AGBL2: variants seen among roughly 807,000 people sequenced by gnomAD.
AGBL2 encodes cytosolic carboxypeptidase 2.
Under a neutral mutation model 103.0 loss-of-function variants are expected in AGBL2, and 87 were observed. The ratio of observed to expected loss-of-function variants is 0.84; its 90% confidence interval spans 0.71 to 1.01. The LOEUF (loss-of-function observed/expected upper bound fraction) is 1.01. Among genes scored for constraint, AGBL2 ranks in the 50% least tolerant of loss-of-function variants. The pLI is 0.00. For missense variants in AGBL2, 904 were observed against 1,023.5 expected, an observed-to-expected ratio of 0.88 and a Z score of 1.59; for synonymous variants, 335 against 356.7, an observed-to-expected ratio of 0.94 and a Z score of 0.69.
In AGBL2 at chr11:47,704,716, A is replaced by T. The variant is rs370473111; in HGVS notation, c.413T>A (p.Leu138Gln). Reference sequence around the variant, plus strand: ...TCTGCTCCTAAGATGTGGTAAACTCAGCATATGTGAATCTGCCAAAGGGAA... The same window carrying T: ...TCTGCTCCTAAGATGTGGTAAACTCTGCATATGTGAATCTGCCAAAGGGAA... ...RVAGITDSHM[L>Q]SLPHLRSRQL... Residue 138 changes from leucine to glutamine, a missense_variant, in exon 7 of 19, where the codon CTG becomes CAG. Transcript: ENST00000525123. 4.3e-6 allele frequency: 7 copies of T among 1,613,700 alleles called. No homozygotes were observed. In the African/African-American group the frequency reaches 9.3e-5, roughly 22 times the overall value.
chr11:47,678,203 C>T (rs2097383300), intron 13 of AGBL2, among the ~76,000 whole-genome samples: 1 of 151,282 alleles, frequency 6.6e-6, no homozygotes, highest in Non-Finnish European at 1.5e-5. Flanking sequence ...ACCTCGTGAT[C>T]TGCCCGCCTT....
chr11:47,679,851 A>G, intron 13 of AGBL2, 122 bp downstream of exon 13: 1 of 576,688 alleles, frequency 1.7e-6, no homozygotes, highest in Non-Finnish European at 3.1e-6. Flanking sequence ...CATGTTGCCC[A>G]GGCTGGTCTT....
chr11:47,693,028 C>T (rs963340973), intron 8 of AGBL2, among the ~76,000 whole-genome samples: 1 of 151,982 alleles, frequency 6.6e-6, no homozygotes, highest in African/African-American at 2.4e-5. Flanking sequence ...CTATGTCACC[C>T]AGGCTATTCT....
At chr11:47,714,371 A>T in intron 2 of AGBL2, 24 bp from the exon 3 acceptor site, 1 of 1,604,882 alleles carries the variant, frequency 6.2e-7, no homozygotes, top group Non-Finnish European at 8.5e-7. Context: ...GGCCACTTCA[A>T]TCAAGATAAT....
intron 8 of AGBL2, among the ~76,000 whole-genome samples, chr11:47,695,485 A>AC (rs936753794): frequency 1.3e-5 from 2 of 149,796 alleles, no homozygotes; most frequent in African/African-American, 4.9e-5. Flanking sequence ...CAAAAAAAAA[A>AC]AAAAAAAAAA....
intron 4 of AGBL2, 151 bp from the exon 5 acceptor site, chr11:47,706,068 T>C: frequency 1.5e-6 from 1 of 651,866 alleles, no homozygotes; most frequent in Non-Finnish European, 2.8e-6. Context: ...ATGGGGGAAA[T>C]AAAAGGAAAT....
intron 17 of AGBL2, among the ~76,000 whole-genome samples, chr11:47,664,056 T>C (rs1187620012): frequency 1.3e-5 from 2 of 151,884 alleles, no homozygotes; most frequent in African/African-American, 4.8e-5. Context: ...GGTTTCACCA[T>C]GTTGGCTGGG....
At chr11:47,692,434 C>CAG (rs2097451399) in intron 8 of AGBL2, among the ~76,000 whole-genome samples, 178 bp from the exon 9 acceptor site, 3 of 78,728 alleles carry the variant, frequency 3.8e-5, no homozygotes, top group Non-Finnish European at 6.5e-5. Context: ...TTTTTTGGGA[C>CAG]AGAGTCTCAC....
intron 11 of AGBL2, among the ~76,000 whole-genome samples, chr11:47,684,222 G>A (rs938974092): frequency 3.3e-5 from 5 of 151,794 alleles, no homozygotes; most frequent in Non-Finnish European, 7.4e-5. Context: ...GCAGTGAGTG[G>A]AGATCGTGTT....
At chr11:47,711,391 T>G (rs1035490348) in intron 3 of AGBL2, among the ~76,000 whole-genome samples, 1 of 152,206 alleles carries the variant, frequency 6.6e-6, no homozygotes, top group African/African-American at 2.4e-5. Flanking sequence ...ACAACCTTTC[T>G]TCAGTGAAGC....
At chr11:47,676,167 A>G (rs2097374079) in intron 14 of AGBL2, among the ~76,000 whole-genome samples, 1 of 152,026 alleles carries the variant, frequency 6.6e-6, no homozygotes, top group South Asian at 2.1e-4. Flanking sequence ...CCTGATCTTC[A>G]CTACCTCTCT....
At position 47,666,962 on chromosome 11, in the gene AGBL2, T is replaced by C. The variant is rs546505443; in HGVS notation, c.2442A>G (p.Leu814=). 2 of 1,608,850 alleles carry C rather than the reference T, an allele frequency of 1.2e-6. No homozygotes were observed. Among genetic ancestry groups the C allele is most frequent in the South Asian group, 2.2e-5 (2 of 90,568 alleles). The change falls in exon 17 of 19, where the codon TTA becomes TTG. Residue 814 remains leucine, a synonymous_variant. Coordinates refer to ENST00000525123, the MANE Select transcript of AGBL2 (RefSeq NM_024783.4). ...FLPMKNENPR[L]NETNLNRRDK... is the part of the protein sequence containing the mutation. ...TCAAAAACAAAAATACTACCTCATT[T>C]AACCTTGGGTTTTCATTTTTCATTG...
intron 8 of AGBL2, among the ~76,000 whole-genome samples, chr11:47,695,591 G>A (rs534596976): frequency 1.7e-4 from 26 of 149,390 alleles, no homozygotes; most frequent in South Asian, 1.5e-3. Context: ...CCTGGGCAGC[G>A]GTGAAACCCT....
At chr11:47,668,715 T>C (rs974535272) in intron 15 of AGBL2, 126 bp downstream of exon 15, 15 of 656,514 alleles carry the variant, frequency 2.3e-5, no homozygotes, top group Admixed American at 8.2e-5. Context: ...GCAAGGTGAC[T>C]AGTTAGGACA....
chr11:47,682,873 T>C (rs2097406681), intron 11 of AGBL2, among the ~76,000 whole-genome samples: 1 of 152,098 alleles, frequency 6.6e-6, no homozygotes, highest in Non-Finnish European at 1.5e-5. Context: ...TTCTGCTTCA[T>C]GGAGGGAAGG....
At chr11:47,683,496 C>T (rs2097410520) in intron 11 of AGBL2, among the ~76,000 whole-genome samples, 1 of 151,756 alleles carries the variant, frequency 6.6e-6, no homozygotes, top group Admixed American at 6.6e-5. Context: ...ATCGGTCAGG[C>T]ACAGTGGCTA....
intron 12 of AGBL2, among the ~76,000 whole-genome samples, chr11:47,680,479 T>TA (rs1294893161): frequency 6.8e-6 from 1 of 146,412 alleles, no homozygotes; most frequent in Non-Finnish European, 1.5e-5. Flanking sequence ...AAATAAAAAA[T>TA]AAAAAAATAC....
At chr11:47,685,689 T>C (rs1212502626) in intron 11 of AGBL2, among the ~76,000 whole-genome samples, 1 of 152,120 alleles carries the variant, frequency 6.6e-6, no homozygotes, top group Non-Finnish European at 1.5e-5. Flanking sequence ...CCCAAAGTGC[T>C]GGGATTACAG....
rs1282966480 is a variant in AGBL2, at chr11:47,692,102, C to T, written c.848+1G>A. ...CATCCCTTTGAGAAATTGTTACTCA[C>T]ACTCTGACAGCTTTTTGCAGATTCC... On this transcript the variant is annotated splice_donor_variant, in intron 9 of 18. Transcript: ENST00000525123. LOFTEE classifies it high-confidence loss of function. 5 of 1,608,520 alleles carry T rather than the reference C, an allele frequency of 3.1e-6. No individual in the cohort carries two copies. The highest frequency in any genetic ancestry group is 1.7e-5 in the Admixed American group (1 of 59,824).
Sources: gnomAD v4.1 joint callset for allele counts (sites outside exome capture counted in the v4.1 genomes callset) on GRCh38, gnomAD v4.1.1 for gene constraint, MANE v1.5 for transcripts, NCBI Gene and HGNC (gene_info 2026-07-23, HGNC 2026-07-21) for gene names.